CTNNA2: variants seen among roughly 807,000 people sequenced by gnomAD.
The protein encoded by CTNNA2 is catenin alpha 2.
In CTNNA2, 42 loss-of-function variants were observed where a neutral mutation model predicts 101.0. The observed-to-expected ratio is 0.42, with a 90% confidence interval of 0.32 to 0.54. The LOEUF (loss-of-function observed/expected upper bound fraction) is 0.54. Ranked by LOEUF, CTNNA2 falls within the 20% of genes least tolerant of loss-of-function variation. CTNNA2 has a pLI of 0.14. For missense variants in CTNNA2, 871 were observed against 1,223.1 expected (o/e 0.71, Z 4.29); for synonymous variants, 450 against 456.4 (o/e 0.99, Z 0.18).
intron 4 of CTNNA2, among the ~76,000 whole-genome samples, chr2:79,482,632 T>G (rs558929730): frequency 6.6e-6 from 1 of 152,104 alleles, no homozygotes; most frequent in Non-Finnish European, 1.5e-5. Flanking sequence ...CAGAACTCTA[T>G]TCAAAGAGGT....
intron 3 of CTNNA2, among the ~76,000 whole-genome samples, chr2:79,347,622 A>G (rs746935074): frequency 6.6e-6 from 1 of 151,940 alleles, no homozygotes; most frequent in Admixed American, 6.6e-5. Flanking sequence ...CCATTATTCT[A>G]TCTCCTTTGT....
At chr2:80,471,676 C>G (rs1685314610) in intron 9 of CTNNA2, among the ~76,000 whole-genome samples, 1 of 152,078 alleles carries the variant, frequency 6.6e-6, no homozygotes, top group Non-Finnish European at 1.5e-5. Context: ...TGTTGCAGTC[C>G]TAGACTATGA....
intron 13 of CTNNA2, chr2:80,579,474 C>G (rs995602407): frequency 2.0e-5 from 3 of 152,082 alleles, no homozygotes; most frequent in African/African-American, 7.2e-5. Flanking sequence ...TATAATTGTC[C>G]CACAGTACAC....
chr2:80,201,823 T>A (rs189334785), intron 7 of CTNNA2, among the ~76,000 whole-genome samples: 1 of 152,178 alleles, frequency 6.6e-6, no homozygotes, highest in Non-Finnish European at 1.5e-5. Flanking sequence ...CTAGTTGTTG[T>A]TATTTTTCTA....
chr2:79,237,632 A>G (rs1674573365), intron 2 of CTNNA2, among the ~76,000 whole-genome samples: 1 of 152,226 alleles, frequency 6.6e-6, no homozygotes. Context: ...CTTAGTTTCA[A>G]TATTTTCTTC....
chr2:80,538,700 C>A (rs944729994), intron 9 of CTNNA2, among the ~76,000 whole-genome samples: 1 of 152,168 alleles, frequency 6.6e-6, no homozygotes, highest in African/African-American at 2.4e-5. Context: ...ATTGTCTTGG[C>A]TATACAGGCT....
Position 79,592,769 on chromosome 2 carries a change from T to A in CTNNA2, c.-5-58783T>A, listed in dbSNP as rs940390221. ...CTGCTGGCCCTTAGGAGATAATCAT[T>A]GATTGCCACATGATATGCATATGAT... On this transcript the variant is annotated intron_variant, in intron 1 of 18. Transcript: ENST00000402739. Among the ~76,000 whole-genome samples the A allele has an allele frequency of 2.0e-5, 3 of 152,192 alleles. No individual in the cohort carries two copies. The South Asian group carries it at 6.2e-4, about 32-fold the overall frequency.
chr2:79,446,258 C>T (rs1678831899), intron 4 of CTNNA2, among the ~76,000 whole-genome samples: 1 of 151,936 alleles, frequency 6.6e-6, no homozygotes, highest in African/African-American at 2.4e-5. Context: ...TTTTGTACGC[C>T]AATAAATGTG....
intron 4 of CTNNA2, among the ~76,000 whole-genome samples, chr2:79,376,090 T>A (rs1490198951): frequency 6.6e-6 from 1 of 152,084 alleles, no homozygotes; most frequent in Admixed American, 6.6e-5. Context: ...AGGAGAAAGC[T>A]GCATGTAGAA....
Position 80,569,633 on chromosome 2 carries a change from G to GTTTTTTGTT in CTNNA2, c.1742-4524_1742-4523insGTTTTTTTT, listed in dbSNP as rs1553392642. 3.9e-4 allele frequency among the ~76,000 whole-genome samples: 20 copies of GTTTTTTGTT among 51,718 alleles called. 1 individual carries two copies. The highest frequency in any genetic ancestry group is 1.2e-3 in the African/African-American group (19 of 16,352). The allele number at this position is 51,718 out of a possible 152,430, so 33.9% of individuals were successfully genotyped here. A position where few individuals can be genotyped will look rare whatever the true frequency, so the allele number is the denominator to read the frequency against. ...TCAGTATTACTTTTGGGGTATTTAG[G>GTTTTTTGTT]TTTTTTTTTTTTTTTTTTTTTTTTT... On this transcript the variant is annotated intron_variant, in intron 12 of 18. Coordinates refer to ENST00000402739, the MANE Select transcript of CTNNA2 (RefSeq NM_001282597.3).
chr2:80,443,565 G>A (rs566546447), intron 9 of CTNNA2, among the ~76,000 whole-genome samples: 4 of 152,232 alleles, frequency 2.6e-5, no homozygotes, highest in East Asian at 3.9e-4. Context: ...TGTCACAGTC[G>A]GTTGAGTAGT....
chr2:79,239,519 C>CA (rs1674596418), intron 2 of CTNNA2, among the ~76,000 whole-genome samples: 1 of 151,940 alleles, frequency 6.6e-6, no homozygotes, highest in East Asian at 1.9e-4. Context: ...GACTCCAGCT[C>CA]AAAAAACAAC....
intron 1 of CTNNA2, among the ~76,000 whole-genome samples, chr2:79,538,972 G>T (rs547914355): frequency 6.6e-6 from 1 of 152,152 alleles, no homozygotes; most frequent in African/African-American, 2.4e-5. Context: ...CTTGAGAATG[G>T]AATAACCTAG....
At chr2:79,607,947 C>A (rs942365087) in intron 1 of CTNNA2, among the ~76,000 whole-genome samples, 6 of 150,500 alleles carry the variant, frequency 4.0e-5, no homozygotes, top group African/African-American at 1.2e-4. Context: ...AGAAAAACAG[C>A]AGAGAAAATC....
intron 3 of CTNNA2, among the ~76,000 whole-genome samples, chr2:79,765,863 C>A (rs1673115307): frequency 6.6e-6 from 1 of 152,190 alleles, no homozygotes; most frequent in Non-Finnish European, 1.5e-5. Context: ...ACTCCCTCAC[C>A]TTTGCCCTTC....
chr2:80,187,491 C>T (rs765839149), intron 7 of CTNNA2, among the ~76,000 whole-genome samples: 2 of 152,184 alleles, frequency 1.3e-5, no homozygotes, highest in South Asian at 4.1e-4. Context: ...CTATACTTCC[C>T]GTGGAAACGG....
chr2:79,528,758 T>G (rs1007391479), intron 1 of CTNNA2, among the ~76,000 whole-genome samples: 8 of 152,204 alleles, frequency 5.3e-5, no homozygotes, highest in African/African-American at 1.4e-4. Flanking sequence ...GAATATTTCT[T>G]TACTTTGAAA....
chr2:79,995,880 T>C (rs1692505906), intron 7 of CTNNA2, among the ~76,000 whole-genome samples: 1 of 152,194 alleles, frequency 6.6e-6, no homozygotes, highest in African/African-American at 2.4e-5. Context: ...TAATGTTTGA[T>C]TTTAATTCAA....
At position 79,988,867 on chromosome 2, in the gene CTNNA2, A is replaced by T. The variant is rs901874594; in HGVS notation, c.1056+79070A>T. On this transcript the variant is annotated intron_variant, in intron 7 of 18. Transcript: ENST00000402739. ...CTCATGAATGAAGATGAGAAAATAA[A>T]ACCCTAAGTATACATTTTAGAAAAA... Among the ~76,000 whole-genome samples the T allele has an allele frequency of 2.6e-5, 4 of 152,314 alleles. No homozygotes were observed. In the South Asian group the frequency reaches 6.2e-4, roughly 24 times the overall value.
Sources: gnomAD v4.1 joint callset for allele counts (sites outside exome capture counted in the v4.1 genomes callset) on GRCh38, gnomAD v4.1.1 for gene constraint, MANE v1.5 for transcripts, NCBI Gene and HGNC (gene_info 2026-07-23, HGNC 2026-07-21) for gene names.